The following PPP2R5E variants were observed in gnomAD, a reference collection of about 807,000 sequenced individuals.
PPP2R5E encodes serine/threonine-protein phosphatase 2A 56 kDa regulatory subunit epsilon isoform.
In PPP2R5E, 4 loss-of-function variants were observed where a neutral mutation model predicts 65.3. That is an observed-to-expected ratio of 0.06 (90% CI 0.03 to 0.14). PPP2R5E has a LOEUF of 0.14. Ranked by LOEUF, PPP2R5E falls within the 10% of genes least tolerant of loss-of-function variation. The probability of loss-of-function intolerance (pLI) is 1.00; values close to 1 mark genes in which losing one functional copy is unlikely to be tolerated. For synonymous variants in PPP2R5E, 183 were observed against 187.4 expected, an observed-to-expected ratio of 0.98 and a Z score of 0.19; for missense variants, 274 against 556.1, an observed-to-expected ratio of 0.49 and a Z score of 5.10.
intron 2 of PPP2R5E, among the ~76,000 whole-genome samples, chr14:63,511,394 T>C (rs991586826): frequency 2.0e-5 from 3 of 152,156 alleles, no homozygotes; most frequent in Non-Finnish European, 2.9e-5. Flanking sequence ...CCAACCGTCA[T>C]GTATGTGAGT....
At chr14:63,408,759 A>G (rs913005350) in intron 5 of PPP2R5E, among the ~76,000 whole-genome samples, 14 of 152,322 alleles carry the variant, frequency 9.2e-5, no homozygotes, top group African/African-American at 3.4e-4. Flanking sequence ...TTCAACTTTC[A>G]TATATATTTT....
intron 6 of PPP2R5E, among the ~76,000 whole-genome samples, chr14:63,395,882 G>C: frequency 2.8e-4 from 1 of 3,622 alleles, no homozygotes; most frequent in South Asian, 5.3e-3. Flanking sequence ...AGAGGAGAAG[G>C]GGGGAAGAGA....
At chr14:63,405,631 T>G (rs1341569553) in intron 5 of PPP2R5E, among the ~76,000 whole-genome samples, 1 of 152,222 alleles carries the variant, frequency 6.6e-6, no homozygotes, top group Non-Finnish European at 1.5e-5. Context: ...GCAGAGTAGT[T>G]GAAAGTAATC....
At chr14:63,506,101 C>A (rs1473939857) in intron 2 of PPP2R5E, among the ~76,000 whole-genome samples, 1 of 152,078 alleles carries the variant, frequency 6.6e-6, no homozygotes, top group East Asian at 1.9e-4. Flanking sequence ...ATTTGCAAAT[C>A]ATATATTTGA....
chr14:63,518,104 C>G (rs1892738019), intron 2 of PPP2R5E, among the ~76,000 whole-genome samples: 1 of 152,194 alleles, frequency 6.6e-6, no homozygotes, highest in Non-Finnish European at 1.5e-5. Flanking sequence ...GAGACAGGAT[C>G]TCACTCTGTC....
At chr14:63,508,152 C>T (rs570146826) in intron 2 of PPP2R5E, 1 of 985,582 alleles carries the variant, frequency 1.0e-6, no homozygotes, top group Non-Finnish European at 1.2e-6. Flanking sequence ...GCCCCTGCAG[C>T]TCTCAGGCCT....
At chr14:63,381,664 G>A (rs537549317) in intron 13 of PPP2R5E, among the ~76,000 whole-genome samples, 1 of 152,196 alleles carries the variant, frequency 6.6e-6, no homozygotes, top group East Asian at 1.9e-4. Context: ...ACAACATTTC[G>A]GTCAACACAG....
chr14:63,430,348 T>C (rs1192796458), intron 3 of PPP2R5E, among the ~76,000 whole-genome samples: 1 of 93,276 alleles, frequency 1.1e-5, no homozygotes, highest in Non-Finnish European at 2.2e-5. Context: ...AACCCATGTA[T>C]ACATACATAC....
At chr14:63,416,060 G>C (rs1886667471) in intron 4 of PPP2R5E, among the ~76,000 whole-genome samples, 1 of 152,186 alleles carries the variant, frequency 6.6e-6, no homozygotes, top group Non-Finnish European at 1.5e-5. Flanking sequence ...TCAAATAATT[G>C]TTCTGATAAA....
chr14:63,388,913 G>A (rs756755060), intron 11 of PPP2R5E, among the ~76,000 whole-genome samples: 13 of 152,154 alleles, frequency 8.5e-5, no homozygotes, highest in Non-Finnish European at 1.3e-4. Context: ...CAAACCTAAC[G>A]TGTGCTCCCC....
chr14:63,533,287 C>T (rs1423094907), intron 2 of PPP2R5E, among the ~76,000 whole-genome samples: 1 of 152,224 alleles, frequency 6.6e-6, no homozygotes, highest in Non-Finnish European at 1.5e-5. Context: ...AACGGCCGGG[C>T]ACGGTGGCTC....
intron 2 of PPP2R5E, among the ~76,000 whole-genome samples, chr14:63,530,119 C>T (rs1036350789): frequency 6.6e-6 from 1 of 151,724 alleles, no homozygotes; most frequent in Non-Finnish European, 1.5e-5. Flanking sequence ...TGCACATACA[C>T]AGAAACTTTA....
In PPP2R5E at chr14:63,510,194, G is replaced by A. The variant is rs541039144; in HGVS notation, c.157+29335C>T. On this transcript the variant is annotated intron_variant, in intron 2 of 13. Transcript: ENST00000337537. ...AACACCGGTCCAGCTGAGCATCAAC[G>A]AATAGGAGAAAACCAGCTGCCTCCA... Among the ~76,000 whole-genome samples, 26 of 152,250 alleles carry A rather than the reference G, an allele frequency of 1.7e-4. No homozygotes were observed. The South Asian group carries it at 4.3e-3, about 25-fold the overall frequency.
chr14:63,453,503 A>T, intron 3 of PPP2R5E, 186 bp downstream of exon 3: 2 of 471,204 alleles, frequency 4.2e-6, no homozygotes, highest in Non-Finnish European at 7.3e-6. Context: ...AAAGTTCTGG[A>T]TTTCGTTCTC....
intron 13 of PPP2R5E, 24 bp downstream of exon 13, chr14:63,382,032 G>T: frequency 6.3e-7 from 1 of 1,580,982 alleles, no homozygotes; most frequent in South Asian, 1.1e-5. Flanking sequence ...ATGCACAGCT[G>T]ACAAAAAAGC....
At chr14:63,513,065 A>T (rs113322104) in intron 2 of PPP2R5E, among the ~76,000 whole-genome samples, 1,807 of 152,206 alleles carry the variant, frequency 0.012, 33 homozygotes, top group African/African-American at 0.042. Context: ...TGGGGGGGAA[A>T]AATTACCTTT....
At chr14:63,534,332 T>C (rs1893573462) in intron 2 of PPP2R5E, among the ~76,000 whole-genome samples, 1 of 152,114 alleles carries the variant, frequency 6.6e-6, no homozygotes, top group Admixed American at 6.6e-5. Flanking sequence ...TGGCACAATA[T>C]GAGCTCACTG....
chr14:63,529,950 GCA>G (rs1310514321), intron 2 of PPP2R5E, among the ~76,000 whole-genome samples: 1 of 152,038 alleles, frequency 6.6e-6, no homozygotes, highest in Non-Finnish European at 1.5e-5. Context: ...ATGCATATGT[GCA>G]CACAGAGCAG....
chr14:63,480,665 C>T (rs951724504), intron 2 of PPP2R5E, among the ~76,000 whole-genome samples: 9 of 152,102 alleles, frequency 5.9e-5, no homozygotes, highest in Admixed American at 5.9e-4. Context: ...AGGCTGGTCT[C>T]GAACTCCTAG....
Sources: gnomAD v4.1 joint callset for allele counts (sites outside exome capture counted in the v4.1 genomes callset) on GRCh38, gnomAD v4.1.1 for gene constraint, MANE v1.5 for transcripts, NCBI Gene and HGNC (gene_info 2026-07-23, HGNC 2026-07-21) for gene names.